Variants in DSCAM observed in about 807,000 individuals in gnomAD.
DSCAM encodes DS cell adhesion molecule, also known as cell adhesion molecule DSCAM.
In DSCAM, 47 loss-of-function variants were observed where a neutral mutation model predicts 217.7. That is an observed-to-expected ratio of 0.22 (90% CI 0.17 to 0.28). DSCAM has a LOEUF of 0.28. Ranked by LOEUF, DSCAM falls within the 10% of genes least tolerant of loss-of-function variation. The pLI, the probability that DSCAM is intolerant of heterozygous loss-of-function variation, is 1.00. For synonymous variants in DSCAM, 1,056 were observed against 1,015.3 expected, an observed-to-expected ratio of 1.04 and a Z score of -0.76; for missense variants, 2,080 against 2,618.3, an observed-to-expected ratio of 0.79 and a Z score of 4.49.
intron 3 of DSCAM, among the ~76,000 whole-genome samples, chr21:40,634,070 G>C (rs1318807760): frequency 6.6e-6 from 1 of 152,130 alleles, no homozygotes; most frequent in Non-Finnish European, 1.5e-5. Context: ...AGTGGGATAT[G>C]CTCCTTTATA....
chr21:40,841,132 G>A (rs1463315592), intron 1 of DSCAM, among the ~76,000 whole-genome samples: 2 of 152,146 alleles, frequency 1.3e-5, no homozygotes, highest in Non-Finnish European at 2.9e-5. Flanking sequence ...TTTAGAAAAA[G>A]GATAATATGG....
At chr21:40,094,796 C>T (rs2089655522) in intron 20 of DSCAM, among the ~76,000 whole-genome samples, 1 of 152,180 alleles carries the variant, frequency 6.6e-6, no homozygotes, top group Non-Finnish European at 1.5e-5. Flanking sequence ...TCCTAAATAA[C>T]TTAACTACAT....
intron 11 of DSCAM, among the ~76,000 whole-genome samples, chr21:40,200,665 G>C (rs962012935): frequency 6.6e-6 from 1 of 152,014 alleles, no homozygotes; most frequent in Non-Finnish European, 1.5e-5. Context: ...GAGTCTTTTT[G>C]CCTGTTTCTT....
intron 3 of DSCAM, among the ~76,000 whole-genome samples, chr21:40,549,924 T>A (rs2076615917): frequency 6.6e-6 from 1 of 152,138 alleles, no homozygotes; most frequent in African/African-American, 2.4e-5. Flanking sequence ...CACACTGACA[T>A]AAATGCTGAA....
At chr21:40,582,778 A>G (rs965804414) in intron 3 of DSCAM, among the ~76,000 whole-genome samples, 1 of 152,176 alleles carries the variant, frequency 6.6e-6, no homozygotes, top group African/African-American at 2.4e-5. Flanking sequence ...TACTAGAAGC[A>G]AGAGTGTCTA....
intron 1 of DSCAM, among the ~76,000 whole-genome samples, chr21:40,727,767 T>TAA (rs2090971651): frequency 6.6e-6 from 1 of 152,196 alleles, no homozygotes; most frequent in Non-Finnish European, 1.5e-5. Context: ...ATCTCTGGCC[T>TAA]CTGTTCTGAG....
At chr21:40,311,888 C>A (rs949491016) in intron 9 of DSCAM, among the ~76,000 whole-genome samples, 193 bp downstream of exon 9, 2 of 148,408 alleles carry the variant, frequency 1.3e-5, no homozygotes, top group African/African-American at 2.5e-5. Context: ...TAAATAAAAC[C>A]TTATCTTGGA....
At position 40,112,137 on chromosome 21, in the gene DSCAM, G is replaced by C. The variant is rs370798110; in HGVS notation, c.3696+12058C>G. ...CATTTTTTTCAGCACCACACCACAC[G>C]TATTCCAAAATTGACCACATACTTG... On this transcript the variant is annotated intron_variant, in intron 20 of 32. Transcript: ENST00000400454. Among the ~76,000 whole-genome samples, 609 of 134,058 alleles carry C rather than the reference G, an allele frequency of 4.5e-3. 7 individuals are homozygous for C. Among genetic ancestry groups the C allele is most frequent in the South Asian group, 7.1e-3 (31 of 4,384 alleles). 87.9% of individuals were successfully genotyped at this position (134,058 alleles called of 152,430 possible). A position where few individuals can be genotyped will look rare whatever the true frequency, so the allele number is the denominator to read the frequency against.
At chr21:40,123,498 C>T (rs1412751307) in intron 20 of DSCAM, among the ~76,000 whole-genome samples, 2 of 152,070 alleles carry the variant, frequency 1.3e-5, no homozygotes, top group Non-Finnish European at 2.9e-5. Context: ...GTTTTCTTTT[C>T]TTTAAAATTT....
rs150171970 is a variant in DSCAM at position 40,515,327 on chromosome 21, A to G, written c.509-146082T>C. Among the ~76,000 whole-genome samples the G allele has an allele frequency of 2.5e-3, 377 of 152,342 alleles. 1 individual carries two copies. The highest frequency in any genetic ancestry group is 6.8e-3 in the Middle Eastern group (2 of 294). ...ATACGAATAGTACAGTAACTGTAGC[A>G]TACCTTCCACTTCCACTCACCACTT... is the stretch of plus-strand genomic sequence containing the variant. On this transcript the variant is annotated intron_variant, in intron 3 of 32. Transcript: ENST00000400454.
intron 3 of DSCAM, among the ~76,000 whole-genome samples, chr21:40,393,106 A>AT: frequency 6.6e-6 from 1 of 152,210 alleles, no homozygotes; most frequent in Admixed American, 6.5e-5. Context: ...AATTGAGACC[A>AT]CAAAGTCTTC....
rs571520198 is a variant in DSCAM, at chr21:40,396,582, T to C, written c.509-27337A>G. ...CGGAACACTTAACTGGAAATGGTTG[T>C]GGCCACTGGTCTGTGAGGAAAATAC... On this transcript the variant is annotated intron_variant, in intron 3 of 32. Transcript: ENST00000400454. Among the ~76,000 whole-genome samples the C allele has an allele frequency of 1.1e-4, 16 of 152,252 alleles. No homozygotes were observed. The South Asian group carries it at 3.3e-3, about 32-fold the overall frequency.
At chr21:40,121,085 A>T (rs2090028194) in intron 20 of DSCAM, among the ~76,000 whole-genome samples, 1 of 152,144 alleles carries the variant, frequency 6.6e-6, no homozygotes, top group Non-Finnish European at 1.5e-5. Flanking sequence ...AAGAAAAAAA[A>T]ATTCAGATTT....
rs559407038 is a variant in DSCAM at position 40,489,556 on chromosome 21, C to T, written c.509-120311G>A. Reference sequence around the variant, plus strand: ...TTGGGAGGCCGAGGCGGGCGGATCACGAGGTCAGGAGATCGAGACCATCCC... The same window carrying T: ...TTGGGAGGCCGAGGCGGGCGGATCATGAGGTCAGGAGATCGAGACCATCCC... On this transcript the variant is annotated intron_variant, in intron 3 of 32. Coordinates refer to ENST00000400454, the MANE Select transcript of DSCAM (RefSeq NM_001389.5). Among the ~76,000 whole-genome samples, 40 of 151,938 alleles carry T rather than the reference C, an allele frequency of 2.6e-4. No homozygotes were observed. In the East Asian group the frequency reaches 7.2e-3, roughly 27 times the overall value.
At chr21:40,825,309 C>CCTTT (rs1435035825) in intron 1 of DSCAM, among the ~76,000 whole-genome samples, 1 of 137,916 alleles carries the variant, frequency 7.3e-6, no homozygotes, top group African/African-American at 2.9e-5. Context: ...TTCCTTCCTT[C>CCTTT]CTTCCTTTTT....
intron 6 of DSCAM, among the ~76,000 whole-genome samples, chr21:40,347,147 A>C (rs1160345871): frequency 1.3e-5 from 2 of 151,914 alleles, no homozygotes; most frequent in Non-Finnish European, 2.9e-5. Context: ...AAAAATACAA[A>C]ATTAGCCAGG....
At chr21:40,485,237 C>CTTTTTTT (rs59901955) in intron 3 of DSCAM, among the ~76,000 whole-genome samples, 1 of 108,188 alleles carries the variant, frequency 9.2e-6, no homozygotes. Context: ...GACTTTCTTT[C>CTTTTTTT]TTTTTTTTTT....
chr21:40,038,760 A>T (rs557877849), intron 32 of DSCAM, among the ~76,000 whole-genome samples: 30 of 147,824 alleles, frequency 2.0e-4, no homozygotes, highest in Non-Finnish European at 3.3e-4. Context: ...AAGACTTGGA[A>T]CCAACCCAAA....
rs187614511 is a variant in DSCAM at position 40,202,711 on chromosome 21, C to G, written c.2357-13473G>C. Among the ~76,000 whole-genome samples, 9 of 152,332 alleles carry G rather than the reference C, an allele frequency of 5.9e-5. No individual in the cohort carries two copies. The East Asian group carries it at 1.5e-3, about 26-fold the overall frequency. On this transcript the variant is annotated intron_variant, in intron 11 of 32. Transcript: ENST00000400454. ...TATAATCTCCACCATATTTCTGATTCCTAAAGTTTCACCTTTTCCTTGAAA... is the reference window on the plus strand; with the variant it reads ...TATAATCTCCACCATATTTCTGATTGCTAAAGTTTCACCTTTTCCTTGAAA...
Sources: allele counts gnomAD v4.1 joint callset (sites outside exome capture counted in the v4.1 genomes callset), GRCh38; gene constraint gnomAD v4.1.1; transcripts MANE v1.5; gene names NCBI Gene and HGNC (gene_info 2026-07-23, HGNC 2026-07-21).